The following SLC22A23 variants were observed in gnomAD, a reference collection of about 807,000 sequenced individuals.
The protein encoded by SLC22A23 is solute carrier family 22 member 23, also known as ion transporter protein.
A neutral mutation model predicts 61.0 loss-of-function variants in SLC22A23; 26 were observed. The observed-to-expected ratio is 0.43, with a 90% confidence interval of 0.31 to 0.59. The LOEUF (loss-of-function observed/expected upper bound fraction) is 0.59. SLC22A23 is among the 20% of genes least tolerant of loss of function. SLC22A23 has a pLI of 0.11. For missense variants in SLC22A23, 796 were observed against 934.7 expected, an observed-to-expected ratio of 0.85 and a Z score of 1.94; for synonymous variants, 430 against 413.9, an observed-to-expected ratio of 1.04 and a Z score of -0.47.
intron 1 of SLC22A23, among the ~76,000 whole-genome samples, chr6:3,434,802 G>A (rs1434651664): frequency 1.3e-5 from 2 of 152,150 alleles, no homozygotes; most frequent in East Asian, 3.9e-4. Context: ...CTCCAGGAGA[G>A]GGGGCATTTG....
intron 1 of SLC22A23, among the ~76,000 whole-genome samples, chr6:3,417,126 G>A (rs1381483059): frequency 6.6e-6 from 1 of 152,088 alleles, no homozygotes; most frequent in Non-Finnish European, 1.5e-5. Context: ...TAAAATTCAG[G>A]AAAAGCCAAG....
chr6:3,420,087 CTTGCT>C (rs1770014216), intron 1 of SLC22A23, among the ~76,000 whole-genome samples: 1 of 152,074 alleles, frequency 6.6e-6, no homozygotes, highest in Non-Finnish European at 1.5e-5. Flanking sequence ...CTTAGGCTTG[CTTGCT>C]TTGTCATTTT....
chr6:3,306,154 G>A (rs1761958321), intron 4 of SLC22A23, among the ~76,000 whole-genome samples: 1 of 152,128 alleles, frequency 6.6e-6, no homozygotes, highest in Non-Finnish European at 1.5e-5. Flanking sequence ...AATAGAAGGG[G>A]GAGGTGACAG....
chr6:3,291,326 T>C (rs1214451958), intron 5 of SLC22A23: 2 of 152,212 alleles, frequency 1.3e-5, no homozygotes, highest in Non-Finnish European at 2.9e-5. Context: ...CACAAAGCTC[T>C]TTCATTATAG....
Position 3,455,886 on chromosome 6 carries a change from TG to T in SLC22A23, c.654+19del. ...TCTGCAGGGAGAGGGTTGGAGGGAC[TG>T]GGCGGCTGCGGCCCTTACCTTGCTG... On this transcript the variant is annotated intron_variant, in intron 1 of 9. Coordinates refer to ENST00000406686, the MANE Select transcript of SLC22A23 (RefSeq NM_015482.2). 1 of 1,479,376 alleles carries T rather than the reference TG, an allele frequency of 6.8e-7. No individual in the cohort carries two copies. 91.6% of individuals were successfully genotyped at this position (1,479,376 alleles called of 1,614,324 possible).
At chr6:3,453,133 C>T (rs1030980375) in intron 1 of SLC22A23, among the ~76,000 whole-genome samples, 1 of 152,046 alleles carries the variant, frequency 6.6e-6, no homozygotes. Context: ...GACACACATG[C>T]CAACCAGAGC....
rs1762771670 is a variant in SLC22A23 at position 3,318,546 on chromosome 6, C to A, written c.1082+5288G>T. On this transcript the variant is annotated intron_variant, in intron 4 of 9. Coordinates refer to ENST00000406686, the MANE Select transcript of SLC22A23 (RefSeq NM_015482.2). The surrounding 1 kb of genome is among the most constrained non-coding windows in gnomAD (Gnocchi z 4.3). ...TAAAGGCTCCTGCCCACGTTTTTGC[C>A]TCCCTGTGTGCCTCCTGGCCCACCC... Among the ~76,000 whole-genome samples, 1 of 152,176 alleles carries A rather than the reference C, an allele frequency of 6.6e-6. No individual in the cohort carries two copies. Among genetic ancestry groups the A allele is most frequent in the Non-Finnish European group, 1.5e-5 (1 of 68,036 alleles).
intron 9 of SLC22A23, among the ~76,000 whole-genome samples, chr6:3,279,221 C>A (rs1759191041): frequency 6.6e-6 from 1 of 151,328 alleles, no homozygotes. Flanking sequence ...TCAAAGATTC[C>A]TTGATATGGC....
In SLC22A23 at chr6:3,286,346, C is replaced by T. The variant is rs576802685; in HGVS notation, c.1546+513G>A. On this transcript the variant is annotated intron_variant, in intron 7 of 9. Coordinates refer to ENST00000406686, the MANE Select transcript of SLC22A23 (RefSeq NM_015482.2). The surrounding 1 kb of genome is among the most constrained non-coding windows in gnomAD (Gnocchi z 4.2). ...TGAACTCCTGACCTCATGATCCGAC[C>T]GCCTCAGCCTCCCAAAGTGCTGGGA... 1.2e-4 allele frequency among the ~76,000 whole-genome samples: 19 copies of T among 152,212 alleles called. No individual in the cohort carries two copies. The highest frequency in any genetic ancestry group is 2.2e-4 in the African/African-American group (9 of 41,532).
rs529565016 is a variant in SLC22A23, at chr6:3,397,431, G to T, written c.913+12757C>A. ...AGGGAAGACGCAGTGTACAAGCTCAGTAAGTGTTATCTCTGGCTTAAAGGC... is the reference window on the plus strand; with the variant it reads ...AGGGAAGACGCAGTGTACAAGCTCATTAAGTGTTATCTCTGGCTTAAAGGC... On this transcript the variant is annotated intron_variant, in intron 3 of 9. Coordinates refer to ENST00000406686, the MANE Select transcript of SLC22A23 (RefSeq NM_015482.2). Among the ~76,000 whole-genome samples, 71 of 152,342 alleles carry T rather than the reference G, an allele frequency of 4.7e-4. No homozygotes were observed. In the South Asian group the frequency reaches 0.014, roughly 31 times the overall value.
intron 3 of SLC22A23, among the ~76,000 whole-genome samples, chr6:3,399,771 G>A (rs1417247366): frequency 2.0e-5 from 3 of 152,196 alleles, no homozygotes; most frequent in Non-Finnish European, 4.4e-5. Context: ...GATACTCAGG[G>A]AGTCGATAGA....
In SLC22A23 at chr6:3,269,478, T is replaced by G. The variant is rs894793985; in HGVS notation, c.*3577A>C. On this transcript the variant is annotated 3_prime_UTR_variant, in exon 10 of 10. Transcript: ENST00000406686. ...GGAAATCTGTTAATGGGGCAACGTT[T>G]TTATTTCTGTACATTTACATACAAA... is the stretch of plus-strand genomic sequence containing the variant. 2 of 152,744 alleles carry G rather than the reference T, an allele frequency of 1.3e-5. No homozygotes were observed. Among genetic ancestry groups the G allele is most frequent in the Non-Finnish European group, 2.9e-5 (2 of 68,040 alleles). 9.5% of individuals were successfully genotyped at this position (152,744 alleles called of 1,614,324 possible).
chr6:3,391,379 A>G (rs898195411), intron 3 of SLC22A23, among the ~76,000 whole-genome samples: 1 of 152,236 alleles, frequency 6.6e-6, no homozygotes, highest in Non-Finnish European at 1.5e-5. Flanking sequence ...AATTCCCTCT[A>G]CTATTCAAAA....
intron 9 of SLC22A23, among the ~76,000 whole-genome samples, chr6:3,282,538 C>T (rs1034144703): frequency 6.6e-6 from 1 of 152,234 alleles, no homozygotes; most frequent in Non-Finnish European, 1.5e-5. Context: ...CTCCCAAAGC[C>T]TTCCCCAGCT....
chr6:3,271,634 A>G lies in SLC22A23; in HGVS notation c.*1421T>C, dbSNP rs941147711. 1 of 152,402 alleles carries G rather than the reference A, an allele frequency of 6.6e-6. No homozygotes were observed. Among genetic ancestry groups the G allele is most frequent in the African/African-American group, 2.4e-5 (1 of 41,482 alleles). 9.4% of individuals were successfully genotyped at this position (152,402 alleles called of 1,614,324 possible). ...AGGGATGAGTTGGACAATGCCAGTA[A>G]GAAGCCAGGCTGTCCAGAAAAGCTG... On this transcript the variant is annotated 3_prime_UTR_variant, in exon 10 of 10. Coordinates refer to ENST00000406686, the MANE Select transcript of SLC22A23 (RefSeq NM_015482.2).
At chr6:3,411,236 A>T (rs1769219104) in intron 2 of SLC22A23, among the ~76,000 whole-genome samples, 1 of 152,214 alleles carries the variant, frequency 6.6e-6, no homozygotes, top group African/African-American at 2.4e-5. Context: ...CTCTCCATCA[A>T]ACACGATTGG....
intron 3 of SLC22A23, among the ~76,000 whole-genome samples, chr6:3,384,323 T>TAGACAG (rs1767144814): frequency 6.6e-6 from 1 of 152,272 alleles, no homozygotes; most frequent in Non-Finnish European, 1.5e-5. Flanking sequence ...AGACTCATGT[T>TAGACAG]AAATAAGCAT....
intron 1 of SLC22A23, among the ~76,000 whole-genome samples, chr6:3,424,266 C>T (rs1001007209): frequency 5.3e-5 from 8 of 152,308 alleles, no homozygotes; most frequent in Non-Finnish European, 1.2e-4. Flanking sequence ...CTCTTCTGTG[C>T]CCCACTCCCA....
At chr6:3,437,546 A>G (rs1771298908) in intron 1 of SLC22A23, among the ~76,000 whole-genome samples, 1 of 151,246 alleles carries the variant, frequency 6.6e-6, no homozygotes, top group Non-Finnish European at 1.5e-5. Flanking sequence ...AAAATTAGTC[A>G]GGTGTGGTGG....
Sources: gnomAD v4.1 joint callset for allele counts (sites outside exome capture counted in the v4.1 genomes callset) on GRCh38, gnomAD v4.1.1 for gene constraint, Gnocchi (gnomAD v3.1) non-coding constraint, MANE v1.5 for transcripts, NCBI Gene and HGNC (gene_info 2026-07-23, HGNC 2026-07-21) for gene names.